The following MAN1A2 variants were observed in gnomAD, a reference collection of about 807,000 sequenced individuals.
MAN1A2 encodes the protein mannosidase alpha class 1A member 2.
In MAN1A2, 26 loss-of-function variants were observed where a neutral mutation model predicts 75.7. That is an observed-to-expected ratio of 0.34 (90% CI 0.25 to 0.48). The LOEUF (loss-of-function observed/expected upper bound fraction) is 0.48. Ranked by LOEUF, MAN1A2 falls within the 20% of genes least tolerant of loss-of-function variation. The pLI is 0.99. For synonymous variants in MAN1A2, 247 were observed against 264.6 expected (o/e 0.93, Z 0.65); for missense variants, 562 against 775.5 (o/e 0.72, Z 3.27).
chr1:117,370,129 CTG>C (rs1369903670), intron 1 of MAN1A2, among the ~76,000 whole-genome samples: 3 of 152,146 alleles, frequency 2.0e-5, no homozygotes, highest in African/African-American at 7.2e-5. Flanking sequence ...TTTTAACAGT[CTG>C]TATAAATAGT....
intron 1 of MAN1A2, among the ~76,000 whole-genome samples, chr1:117,391,236 A>G (rs957723598): frequency 1.3e-5 from 2 of 152,192 alleles, no homozygotes; most frequent in East Asian, 1.9e-4. Context: ...CTGTATTGGT[A>G]CATGTTCCGT....
At chr1:117,373,807 A>G (rs1179170833) in intron 1 of MAN1A2, among the ~76,000 whole-genome samples, 1 of 152,078 alleles carries the variant, frequency 6.6e-6, no homozygotes, top group Non-Finnish European at 1.5e-5. Flanking sequence ...TCTTATTTTT[A>G]TCGATATGGA....
chr1:117,443,768 A>G (rs1395722685), intron 6 of MAN1A2, among the ~76,000 whole-genome samples: 1 of 152,112 alleles, frequency 6.6e-6, no homozygotes, highest in African/African-American at 2.4e-5. Flanking sequence ...TTACCTATTT[A>G]AAACTTTTTA....
At chr1:117,462,062 A>G (rs916828441) in intron 7 of MAN1A2, among the ~76,000 whole-genome samples, 4 of 152,170 alleles carry the variant, frequency 2.6e-5, no homozygotes, top group Admixed American at 6.6e-5. Flanking sequence ...TGTTTTAACA[A>G]GTGTCGCACT....
At chr1:117,373,957 GAAAC>G (rs1212241724) in intron 1 of MAN1A2, among the ~76,000 whole-genome samples, 4 of 152,034 alleles carry the variant, frequency 2.6e-5, no homozygotes, top group African/African-American at 9.7e-5. Context: ...GAGGAGGAAA[GAAAC>G]AAAGGATTAT....
intron 1 of MAN1A2, among the ~76,000 whole-genome samples, chr1:117,382,165 G>A (rs952610204): frequency 1.3e-5 from 2 of 152,142 alleles, no homozygotes; most frequent in African/African-American, 4.8e-5. Context: ...TTCTTTTGCT[G>A]TGCAGAAGCT....
Position 117,491,626 on chromosome 1 carries a change from A to G in MAN1A2, c.1169-1521A>G, listed in dbSNP as rs1650885483. ...AGAGTGATTCAGACTCTCAAGTCTT[A>G]TTTAAGGATTGCATTTTGTAAGGCT... On this transcript the variant is annotated intron_variant, in intron 8 of 12. Transcript: ENST00000356554. Among the ~76,000 whole-genome samples the G allele has an allele frequency of 2.0e-5, 3 of 152,060 alleles. No individual in the cohort carries two copies. The South Asian group carries it at 6.2e-4, about 32-fold the overall frequency.
Position 117,518,613 on chromosome 1 carries a change from G to T in MAN1A2, c.1794-4212G>T, listed in dbSNP as rs536399828. On this transcript the variant is annotated intron_variant, in intron 12 of 12. Transcript: ENST00000356554. ...GAGGGACATTATATAATGATAAAAG[G>T]TCTTGTCCAACAGGAAAATATCACA... Among the ~76,000 whole-genome samples, 48 of 152,000 alleles carry T rather than the reference G, an allele frequency of 3.2e-4. 1 individual carries two copies. Among genetic ancestry groups the T allele is most frequent in the Admixed American group, 2.8e-3 (42 of 15,228 alleles).
At chr1:117,488,003 T>A (rs2101867657) in intron 8 of MAN1A2, among the ~76,000 whole-genome samples, 1 of 152,198 alleles carries the variant, frequency 6.6e-6, no homozygotes, top group South Asian at 2.1e-4. Flanking sequence ...TGGAAAGCTA[T>A]TCAAAATTTA....
intron 8 of MAN1A2, among the ~76,000 whole-genome samples, chr1:117,491,965 G>A (rs1339316794): frequency 6.6e-6 from 1 of 152,040 alleles, no homozygotes; most frequent in African/African-American, 2.4e-5. Context: ...TGGATGAGGA[G>A]TTGCTTCTTA....
At chr1:117,511,232 C>T (rs1422379106) in intron 12 of MAN1A2, among the ~76,000 whole-genome samples, 2 of 152,074 alleles carry the variant, frequency 1.3e-5, no homozygotes, top group Non-Finnish European at 1.5e-5. Flanking sequence ...ATCCAGTCAC[C>T]TCCCACCACA....
chr1:117,425,374 GACAC>G (rs1313356869), intron 5 of MAN1A2, among the ~76,000 whole-genome samples: 1 of 152,106 alleles, frequency 6.6e-6, no homozygotes, highest in African/African-American at 2.4e-5. Context: ...AATCCTATGT[GACAC>G]ACACACAGAG....
chr1:117,426,076 A>C (rs138936467), intron 5 of MAN1A2, among the ~76,000 whole-genome samples: 86 of 152,032 alleles, frequency 5.7e-4, no homozygotes, highest in African/African-American at 2.0e-3. Flanking sequence ...ATTTTTGAAA[A>C]ATTTTCTTTG....
chr1:117,525,829 C>G lies in MAN1A2; in HGVS notation c.*2872C>G, dbSNP rs1036985973. Reference sequence around the variant, plus strand: ...GAAGTCTCAACTCAGAAAAATAAGTCCCCAGTCAGGTGGTTCTTACTTTCT... The same window carrying G: ...GAAGTCTCAACTCAGAAAAATAAGTGCCCAGTCAGGTGGTTCTTACTTTCT... On this transcript the variant is annotated 3_prime_UTR_variant, in exon 13 of 13. Transcript: ENST00000356554. The G allele has an allele frequency of 2.0e-5, 3 of 151,688 alleles. No homozygotes were observed. The highest frequency in any genetic ancestry group is 7.3e-5 in the African/African-American group (3 of 41,324). 9.4% of individuals were successfully genotyped at this position (151,688 alleles called of 1,614,324 possible).
chr1:117,443,325 A>G (rs1649106745), intron 6 of MAN1A2, among the ~76,000 whole-genome samples: 1 of 152,184 alleles, frequency 6.6e-6, no homozygotes, highest in African/African-American at 2.4e-5. Flanking sequence ...GATTTCATGC[A>G]CTATGTATAG....
intron 7 of MAN1A2, among the ~76,000 whole-genome samples, chr1:117,462,173 G>A (rs1260376302): frequency 6.6e-6 from 1 of 152,028 alleles, no homozygotes; most frequent in Non-Finnish European, 1.5e-5. Context: ...TTGGGGTAAA[G>A]AAGGATTTTT....
intron 1 of MAN1A2, among the ~76,000 whole-genome samples, chr1:117,377,228 G>A (rs933636575): frequency 5.9e-5 from 9 of 152,128 alleles, no homozygotes; most frequent in African/African-American, 2.2e-4. Context: ...TATAATAAAT[G>A]AGGATTATTT....
intron 1 of MAN1A2, among the ~76,000 whole-genome samples, chr1:117,370,299 A>G (rs1226204668): frequency 6.6e-6 from 1 of 152,162 alleles, no homozygotes; most frequent in Non-Finnish European, 1.5e-5. Context: ...TTGGCTAGTA[A>G]GAGTCTGGAT....
chr1:117,377,428 T>C (rs1653186722), intron 1 of MAN1A2, among the ~76,000 whole-genome samples: 1 of 152,232 alleles, frequency 6.6e-6, no homozygotes, highest in Non-Finnish European at 1.5e-5. Context: ...AACTAACTTA[T>C]AGTGCATATT....
Sources: allele counts gnomAD v4.1 joint callset (sites outside exome capture counted in the v4.1 genomes callset), GRCh38; gene constraint gnomAD v4.1.1; transcripts MANE v1.5; gene names NCBI Gene and HGNC (gene_info 2026-07-23, HGNC 2026-07-21).